The following TENM1 variants were observed in gnomAD, a reference collection of about 807,000 sequenced individuals.
TENM1 encodes teneurin-1.
Under a neutral mutation model 174.8 loss-of-function variants are expected in TENM1, and 35 were observed. The observed-to-expected ratio is 0.20, with a 90% CI of 0.15 to 0.27. TENM1 has a LOEUF of 0.27. TENM1 is among the 10% of genes least tolerant of loss of function. TENM1 has a pLI of 1.00. For synonymous variants in TENM1, 781 were observed against 798.7 expected (o/e 0.98, Z 0.37); for missense variants, 1,633 against 2,130.1 (o/e 0.77, Z 4.59).
chrX:124,691,608 CCT>C (rs2052525890), intron 5 of TENM1, among the ~76,000 whole-genome samples: 1 of 111,725 alleles, frequency 9.0e-6, no homozygotes, highest in Non-Finnish European at 1.9e-5. Flanking sequence ...TTACAACTTT[CCT>C]CTGTTTCAAT....
intron 3 of TENM1, among the ~76,000 whole-genome samples, chrX:124,758,184 A>C (rs980298013): frequency 7.1e-5 from 8 of 111,983 alleles, no homozygotes; most frequent in African/African-American, 2.6e-4. Context: ...ACAAAACAAA[A>C]CAAACAGAAA....
chrX:124,664,679 GGTGTGTGTGTGT>G (rs576286188), intron 6 of TENM1, among the ~76,000 whole-genome samples: 37 of 86,971 alleles, frequency 4.3e-4, no homozygotes, highest in African/African-American at 1.2e-3. Context: ...GTACTTGTGG[GGTGTGTGTGTGT>G]GTGTGTGTGT....
chrX:125,192,861 T>C, the TENM1 span, among the ~76,000 whole-genome samples: 2 of 112,022 alleles, frequency 1.8e-5, no homozygotes, highest in Non-Finnish European at 1.9e-5. Context: ...AGTATTGTTA[T>C]TTAAGGCACT....
chrX:124,517,090 C>A (rs6649247), intron 18 of TENM1, among the ~76,000 whole-genome samples: 17,332 of 110,042 alleles, frequency 0.16, 1,270 homozygotes, highest in African/African-American at 0.27. Context: ...TAAGTGGGAG[C>A]TAAATGATGA....
chrX:124,922,599 C>T (rs750026702), intron 1 of TENM1, among the ~76,000 whole-genome samples: 2 of 109,392 alleles, frequency 1.8e-5, no homozygotes, highest in African/African-American at 3.3e-5. Context: ...AAATTTATAG[C>T]GTTAAATGAA....
intron 23 of TENM1, among the ~76,000 whole-genome samples, chrX:124,431,711 T>G (rs954422520): frequency 8.9e-6 from 1 of 112,039 alleles, no homozygotes; most frequent in African/African-American, 3.2e-5. Context: ...TTATTGATCT[T>G]GCTTTTAAAA....
chrX:124,437,104 A>ATTT (rs35632932), intron 23 of TENM1, among the ~76,000 whole-genome samples: 11 of 34,911 alleles, frequency 3.2e-4, no homozygotes, highest in African/African-American at 1.2e-3. Flanking sequence ...TGCTCGGCTA[A>ATTT]TTTTTTTTTT....
chrX:124,529,837 C>T (rs1171470852), intron 16 of TENM1, 27 bp downstream of exon 19: 2 of 1,210,889 alleles, frequency 1.7e-6, no homozygotes, highest in South Asian at 3.5e-5. Flanking sequence ...TTGGCCCCCA[C>T]AATGATCAGA....
intron 3 of TENM1, among the ~76,000 whole-genome samples, chrX:124,864,939 G>T (rs997175750): frequency 4.9e-4 from 55 of 111,205 alleles, no homozygotes; most frequent in African/African-American, 1.8e-3. Context: ...AATTGTACAG[G>T]TCAGGAGAGA....
intron 4 of TENM1, among the ~76,000 whole-genome samples, chrX:124,709,978 AAATAAT>A (rs1277350263): frequency 9.0e-6 from 1 of 111,507 alleles, no homozygotes; most frequent in African/African-American, 3.3e-5. Context: ...AACAATATAA[AAATAAT>A]AATAAGATTA....
At chrX:124,546,784 G>A in intron 15 of TENM1, 90 bp downstream of exon 18, 1 of 776,040 alleles carries the variant, frequency 1.3e-6, no homozygotes, top group Non-Finnish European at 1.9e-6. Flanking sequence ...GGAATGGGAA[G>A]TAACCTGATC....
rs192193553 is a variant in TENM1 at position 124,938,204 on chromosome X, G to A, written c.217+25333C>T. On this transcript the variant is annotated intron_variant, in intron 1 of 31. Coordinates refer to ENST00000422452, the Ensembl canonical transcript of TENM1. ...ATAGCAATTAGGTAATATTTGGCCA[G>A]AGAGGAAAAGCAAGATTTTTGGAAA... 2.2e-3 allele frequency among the ~76,000 whole-genome samples: 251 copies of A among 111,669 alleles called. 1 individual carries two copies. The highest frequency in any genetic ancestry group is 7.6e-3 in the African/African-American group (234 of 30,773).
intron 20 of TENM1, among the ~76,000 whole-genome samples, chrX:124,491,142 C>G (rs2047057473): frequency 8.9e-6 from 1 of 112,002 alleles, no homozygotes; most frequent in Non-Finnish European, 1.9e-5. Flanking sequence ...GAATTTTTCA[C>G]AAACGCAGAT....
the TENM1 span, among the ~76,000 whole-genome samples, chrX:125,131,907 G>A: frequency 4.5e-5 from 5 of 111,644 alleles, no homozygotes; most frequent in East Asian, 8.5e-4. Context: ...GCATTAAAGC[G>A]GCCAACATAA....
At chrX:124,678,749 C>A (rs1222794293) in intron 5 of TENM1, among the ~76,000 whole-genome samples, 1 of 111,056 alleles carries the variant, frequency 9.0e-6, no homozygotes, top group Non-Finnish European at 1.9e-5. Context: ...TAGTGGCCTA[C>A]AAAATTATCT....
intron 22 of TENM1, among the ~76,000 whole-genome samples, chrX:124,471,482 A>AGCATTATATAATATAGCATAAT (rs2061329191): frequency 1.5e-5 from 1 of 65,797 alleles, no homozygotes; most frequent in Non-Finnish European, 2.5e-5. Flanking sequence ...TATAATATAT[A>AGCATTATATAATATAGCATAAT]ATATATAGTA....
chrX:124,675,404 T>C (rs1000648265), intron 5 of TENM1, among the ~76,000 whole-genome samples: 2 of 110,871 alleles, frequency 1.8e-5, no homozygotes, highest in Admixed American at 9.6e-5. Context: ...TAGTTTCTAG[T>C]GGATTCCCAT....
chrX:124,939,874 G>T (rs1482601965), intron 1 of TENM1, among the ~76,000 whole-genome samples: 1 of 112,010 alleles, frequency 8.9e-6, no homozygotes, highest in East Asian at 2.8e-4. Context: ...AGACCCTACT[G>T]CCAGTTACTC....
chrX:124,642,121 C>T lies in TENM1; in HGVS notation c.1877-130G>A, dbSNP rs2051033485. On this transcript the variant is annotated intron_variant, in intron 10 of 31. Transcript: ENST00000422452. ...TATCATCAATGCTGCTTTAATTAGG[C>T]AATAAAATGACTCATGCAAACACTC... 8 of 517,921 alleles carry T rather than the reference C, an allele frequency of 1.5e-5. No homozygotes were observed. The South Asian group carries it at 2.3e-4, about 15-fold the overall frequency. The allele number at this position is 517,921 out of a possible 1,213,427, so 42.7% of individuals were successfully genotyped here. A position where few individuals can be genotyped will look rare whatever the true frequency, so the allele number is the denominator to read the frequency against.
Sources: gnomAD v4.1 joint callset for allele counts (sites outside exome capture counted in the v4.1 genomes callset) on GRCh38, gnomAD v4.1.1 for gene constraint, MANE v1.5 for transcripts, NCBI Gene and HGNC (gene_info 2026-07-23, HGNC 2026-07-21) for gene names.